The following SLC22A3 variants were observed in gnomAD, a reference collection of about 807,000 sequenced individuals.
SLC22A3 encodes the protein solute carrier family 22 member 3, also known as EMT organic cation transporter 3.
In SLC22A3, 51 loss-of-function variants were observed where a neutral mutation model predicts 59.1. That is an observed-to-expected ratio of 0.86 (90% CI 0.69 to 1.09). The LOEUF is 1.09. Ranked by LOEUF, SLC22A3 falls within the 50% of genes least tolerant of loss-of-function variation. The pLI is 0.00. For missense variants in SLC22A3, 711 were observed against 726.3 expected (o/e 0.98, Z 0.24); for synonymous variants, 325 against 292.0 (o/e 1.11, Z -1.15).
At chr6:160,447,955 T>C (rs1788809014) in intron 10 of SLC22A3, 137 bp downstream of exon 10, 3 of 747,630 alleles carry the variant, frequency 4.0e-6, no homozygotes, top group African/African-American at 1.8e-5. Flanking sequence ...AAGCAAAAAA[T>C]TCAAAGTAGA....
chr6:160,352,425 C>G (rs1784692533), intron 1 of SLC22A3, among the ~76,000 whole-genome samples: 1 of 152,154 alleles, frequency 6.6e-6, no homozygotes, highest in Admixed American at 6.5e-5. Context: ...GAGTCTGACC[C>G]CCTGTCCCAA....
intron 9 of SLC22A3, 33 bp from the exon 10 acceptor site, chr6:160,447,686 C>T (rs892516495): frequency 4.4e-6 from 7 of 1,586,276 alleles, no homozygotes; most frequent in Non-Finnish European, 6.1e-6. Flanking sequence ...CTGTGTCTTC[C>T]TGGAGCGGTA....
chr6:160,420,865 G>A (rs1787703014), intron 5 of SLC22A3, among the ~76,000 whole-genome samples: 2 of 152,238 alleles, frequency 1.3e-5, no homozygotes, highest in South Asian at 2.1e-4. Context: ...TGGAGGATGG[G>A]TCTGGGATCT....
At chr6:160,382,687 G>C (rs887162061) in intron 1 of SLC22A3, among the ~76,000 whole-genome samples, 7 of 152,170 alleles carry the variant, frequency 4.6e-5, no homozygotes, top group Non-Finnish European at 1.0e-4. Context: ...TATGGAAATT[G>C]TCAGTCACCC....
Position 160,437,188 on chromosome 6 carries a change from T to C in SLC22A3, c.1265T>C (p.Leu422Pro). 2 of 1,614,112 alleles carry C rather than the reference T, an allele frequency of 1.2e-6. No individual in the cohort carries two copies. Among genetic ancestry groups the C allele is most frequent in the Non-Finnish European group, 8.5e-7 (1 of 1,179,978 alleles). Reference sequence around the variant, plus strand: ...AATATAGTGGCAGGGGTGGCATGCCTTGTCACTGCGTTCTTACCAGAAGGT... The same window carrying C: ...AATATAGTGGCAGGGGTGGCATGCCCTGTCACTGCGTTCTTACCAGAAGGT... ...ASNIVAGVAC[L>P]VTAFLPEGIA... is the part of the protein sequence containing the mutation. Residue 422 changes from leucine (L) to proline (P), a missense_variant, in exon 7 of 11, where the codon CTT becomes CCT. Transcript: ENST00000275300.
rs148951571 is a variant in SLC22A3, at chr6:160,394,404, GAGCTGTTGCATC to G, written c.430-3571_430-3560del. Among the ~76,000 whole-genome samples, 796 of 152,270 alleles carry G rather than the reference GAGCTGTTGCATC, an allele frequency of 5.2e-3. 11 individuals are homozygous for G. The East Asian group carries it at 0.062, about 12-fold the overall frequency. ...ACACGAAAGATACATCGCAGGCCCAGAGCTGTTGCATCAGCAGGCAGGCAGCAAGCTGAGAGC... is the reference window on the plus strand; with the variant it reads ...ACACGAAAGATACATCGCAGGCCCAGAGCAGGCAGGCAGCAAGCTGAGAGC... On this transcript the variant is annotated intron_variant, in intron 1 of 10. Coordinates refer to ENST00000275300, the MANE Select transcript of SLC22A3 (RefSeq NM_021977.4).
At chr6:160,349,480 GTTT>G (rs34841782) in intron 1 of SLC22A3, among the ~76,000 whole-genome samples, 1 of 151,508 alleles carries the variant, frequency 6.6e-6, no homozygotes, top group East Asian at 1.9e-4. Flanking sequence ...ATAAATTTTA[GTTT>G]TTTTTTCTGG....
chr6:160,401,536 G>T (rs1284851552), intron 2 of SLC22A3, among the ~76,000 whole-genome samples: 2 of 151,818 alleles, frequency 1.3e-5, no homozygotes, highest in East Asian at 1.9e-4. Flanking sequence ...AATGTTAAAA[G>T]AAATTATTTA....
intron 5 of SLC22A3, among the ~76,000 whole-genome samples, chr6:160,422,708 G>A (rs1787788028): frequency 6.6e-6 from 1 of 152,222 alleles, no homozygotes; most frequent in Non-Finnish European, 1.5e-5. Flanking sequence ...GTGTTAATTG[G>A]TGATGAAGTC....
At chr6:160,353,666 A>G (rs965728490) in intron 1 of SLC22A3, among the ~76,000 whole-genome samples, 1 of 152,034 alleles carries the variant, frequency 6.6e-6, no homozygotes, top group African/African-American at 2.4e-5. Flanking sequence ...TTGTGCCCTC[A>G]GGAGCAGTGG....
intron 5 of SLC22A3, 147 bp downstream of exon 5, chr6:160,410,993 C>T (rs1787227280): frequency 4.8e-6 from 2 of 414,650 alleles, no homozygotes; most frequent in Admixed American, 3.7e-5. Flanking sequence ...TATGTATACA[C>T]ACACACACAC....
intron 1 of SLC22A3, among the ~76,000 whole-genome samples, chr6:160,357,114 G>A (rs539738789): frequency 4.6e-5 from 7 of 152,334 alleles, no homozygotes; most frequent in African/African-American, 1.7e-4. Context: ...TGTGAGCATA[G>A]TGGAAACCAC....
chr6:160,352,514 G>GA (rs567486866), intron 1 of SLC22A3, among the ~76,000 whole-genome samples: 1,748 of 150,802 alleles, frequency 0.012, 24 homozygotes, highest in Non-Finnish European at 0.012. Flanking sequence ...TGGTATGGAT[G>GA]AAAAAAAAAG....
intron 7 of SLC22A3, among the ~76,000 whole-genome samples, chr6:160,442,070 C>G (rs1320199711): frequency 1.3e-5 from 2 of 152,214 alleles, no homozygotes; most frequent in African/African-American, 4.8e-5. Context: ...TTTCTTCATA[C>G]AACCAGAGCA....
intron 1 of SLC22A3, among the ~76,000 whole-genome samples, chr6:160,350,124 G>A (rs1204899947): frequency 2.7e-5 from 4 of 149,072 alleles, no homozygotes; most frequent in African/African-American, 9.9e-5. Context: ...ACAGCCAGGC[G>A]ATGTGTGTAT....
At chr6:160,382,161 A>C (rs1358694401) in intron 1 of SLC22A3, among the ~76,000 whole-genome samples, 1 of 152,156 alleles carries the variant, frequency 6.6e-6, no homozygotes, top group Non-Finnish European at 1.5e-5. Context: ...CCATTTATTC[A>C]CTTATTAACT....
intron 1 of SLC22A3, among the ~76,000 whole-genome samples, chr6:160,364,278 C>G (rs1785126531): frequency 6.6e-6 from 1 of 152,198 alleles, no homozygotes; most frequent in African/African-American, 2.4e-5. Flanking sequence ...AAGGTAAAGA[C>G]TGGCTGCATA....
rs752575535 is a variant in SLC22A3 at position 160,348,398 on chromosome 6, G to A, written c.-22G>A. On this transcript the variant is annotated 5_prime_UTR_variant, in exon 1 of 11. Transcript: ENST00000275300. ...GGGTCACTCCGAGGCGCGGGCTGCGGGCGGCGGGCGGCGGGCGCACCATGC... is the reference window on the plus strand; with the variant it reads ...GGGTCACTCCGAGGCGCGGGCTGCGAGCGGCGGGCGGCGGGCGCACCATGC... 4.2e-6 allele frequency: 6 copies of A among 1,436,582 alleles called. No individual in the cohort carries two copies. Among genetic ancestry groups the A allele is most frequent in the Non-Finnish European group, 4.5e-6 (5 of 1,101,280 alleles). The allele number at this position is 1,436,582 out of a possible 1,614,324, so 89.0% of individuals were successfully genotyped here.
chr6:160,449,513 C>A (rs1465821604), intron 10 of SLC22A3, among the ~76,000 whole-genome samples: 2 of 152,168 alleles, frequency 1.3e-5, no homozygotes. Context: ...ATTTACTCTA[C>A]AAAAATTACT....
Sources: allele counts gnomAD v4.1 joint callset (sites outside exome capture counted in the v4.1 genomes callset), GRCh38; gene constraint gnomAD v4.1.1; transcripts MANE v1.5; gene names NCBI Gene and HGNC (gene_info 2026-07-23, HGNC 2026-07-21).